Variants in RNF138 observed in about 807,000 individuals in gnomAD.
RNF138 encodes ring finger protein 138.
A neutral mutation model predicts 31.0 loss-of-function variants in RNF138; 12 were observed. The ratio of observed to expected loss-of-function variants is 0.39; its 90% CI spans 0.25 to 0.63. The LOEUF (loss-of-function observed/expected upper bound fraction) is 0.63. RNF138 is among the 20% of genes least tolerant of loss of function. RNF138 has a pLI of 0.52. For missense variants in RNF138, 192 were observed against 300.1 expected, an observed-to-expected ratio of 0.64 and a Z score of 2.66; for synonymous variants, 105 against 99.5, an observed-to-expected ratio of 1.06 and a Z score of -0.33.
rs145282959 is a variant in RNF138 at position 32,105,576 on chromosome 18, G to A, written c.111-6178G>A. On this transcript the variant is annotated intron_variant, in intron 2 of 7. Transcript: ENST00000261593. Reference sequence around the variant, plus strand: ...TAGCTTTATATGTAGAATCTCTGCTGTGTGCTATACATGATAATATTTCCA... The same window carrying A: ...TAGCTTTATATGTAGAATCTCTGCTATGTGCTATACATGATAATATTTCCA... 3.7e-4 allele frequency among the ~76,000 whole-genome samples: 56 copies of A among 152,328 alleles called. No individual in the cohort carries two copies. The East Asian group carries it at 8.9e-3, about 24-fold the overall frequency.
At chr18:32,121,573 T>TA (rs1201631244) in intron 4 of RNF138, among the ~76,000 whole-genome samples, 1 of 152,234 alleles carries the variant, frequency 6.6e-6, no homozygotes, top group Non-Finnish European at 1.5e-5. Context: ...TCCCCAATGA[T>TA]ATTATAGTTC....
At chr18:32,097,934 G>T (rs900535833) in intron 2 of RNF138, among the ~76,000 whole-genome samples, 8 of 126,548 alleles carry the variant, frequency 6.3e-5, no homozygotes, top group South Asian at 2.9e-4. Context: ...GTGTATATGT[G>T]TATGTATATA....
chr18:32,102,225 G>C (rs538700336), intron 2 of RNF138, among the ~76,000 whole-genome samples: 1 of 120,048 alleles, frequency 8.3e-6, no homozygotes, highest in African/African-American at 3.5e-5. Context: ...TTTTTGAGAC[G>C]GAGTCTTGTT....
chr18:32,115,703 T>A (rs1196321874), intron 4 of RNF138, among the ~76,000 whole-genome samples: 1 of 152,026 alleles, frequency 6.6e-6, no homozygotes, highest in Non-Finnish European at 1.5e-5. Flanking sequence ...CGAGAGCACA[T>A]CACTGCACTC....
At chr18:32,116,616 A>C (rs1157629574) in intron 4 of RNF138, among the ~76,000 whole-genome samples, 1 of 151,814 alleles carries the variant, frequency 6.6e-6, no homozygotes, top group African/African-American at 2.4e-5. Context: ...CAATGGCGTG[A>C]ACATGGCTCA....
chr18:32,095,213 A>G, intron 2 of RNF138, among the ~76,000 whole-genome samples: 1 of 152,140 alleles, frequency 6.6e-6, no homozygotes, highest in Non-Finnish European at 1.5e-5. Flanking sequence ...TCTGTTGTCC[A>G]GGGTGGAGTG....
At chr18:32,093,668 G>A (rs745311557) in intron 2 of RNF138, among the ~76,000 whole-genome samples, 11 of 152,216 alleles carry the variant, frequency 7.2e-5, no homozygotes, top group Non-Finnish European at 1.5e-4. Flanking sequence ...AAATTGAGAT[G>A]CTACCCAGGG....
rs192795286 is a variant in RNF138, at chr18:32,118,248, T to C, written c.392+4388T>C. On this transcript the variant is annotated intron_variant, in intron 4 of 7. Coordinates refer to ENST00000261593, the MANE Select transcript of RNF138 (RefSeq NM_016271.5). ...TCATATATTCTGGATAGTAATCCTT[T>C]GTTATGGCTGGGCGCAGTGGCTCAC... Among the ~76,000 whole-genome samples, 18 of 152,162 alleles carry C rather than the reference T, an allele frequency of 1.2e-4. No homozygotes were observed. In the East Asian group the frequency reaches 3.1e-3, roughly 26 times the overall value.
At chr18:32,093,150 C>T (rs2039737596) in intron 2 of RNF138, among the ~76,000 whole-genome samples, 1 of 152,008 alleles carries the variant, frequency 6.6e-6, no homozygotes, top group Non-Finnish European at 1.5e-5. Flanking sequence ...CCCGCTCTCC[C>T]TGGCTTTCGC....
intron 2 of RNF138, among the ~76,000 whole-genome samples, chr18:32,095,587 A>T (rs2039790503): frequency 6.6e-6 from 1 of 152,164 alleles, no homozygotes; most frequent in South Asian, 2.1e-4. Context: ...TGATTCACGA[A>T]TAGAGAGTTG....
chr18:32,104,859 G>A (rs2040003401), intron 2 of RNF138, among the ~76,000 whole-genome samples: 1 of 152,078 alleles, frequency 6.6e-6, no homozygotes, highest in Non-Finnish European at 1.5e-5. Context: ...GTCCCAACAT[G>A]ATTTTTTGGT....
intron 3 of RNF138, among the ~76,000 whole-genome samples, chr18:32,112,515 G>A (rs927842775): frequency 3.3e-5 from 5 of 152,164 alleles, no homozygotes; most frequent in East Asian, 1.9e-4. Flanking sequence ...GTGAAACCCC[G>A]TCTCTACTAA....
chr18:32,093,189 C>T (rs1412755410), intron 2 of RNF138, among the ~76,000 whole-genome samples: 2 of 152,124 alleles, frequency 1.3e-5, no homozygotes, highest in African/African-American at 4.8e-5. Context: ...AGGCCGTTCC[C>T]TGCGGCGTCT....
rs566034965 is a variant in RNF138 at position 32,106,808 on chromosome 18, C to T, written c.111-4946C>T. Among the ~76,000 whole-genome samples, 80 of 152,108 alleles carry T rather than the reference C, an allele frequency of 5.3e-4. No individual in the cohort carries two copies. In the South Asian group the frequency reaches 0.013, roughly 24 times the overall value. On this transcript the variant is annotated intron_variant, in intron 2 of 7. Transcript: ENST00000261593. ...ATCTTGATTTCCTGACCTCGTGATC[C>T]GCCTGCCTCGGCCTCCCAAAGTGCT...
Position 32,130,587 on chromosome 18 carries a change from G to T in RNF138, c.*1400G>T, listed in dbSNP as rs1420049012. Reference sequence around the variant, plus strand: ...AGAACATAAAAGAAAGAGAATCTCAGAAGTAGTTTGCTGCTAATATATACA... The same window carrying T: ...AGAACATAAAAGAAAGAGAATCTCATAAGTAGTTTGCTGCTAATATATACA... On this transcript the variant is annotated 3_prime_UTR_variant, in exon 8 of 8. Transcript: ENST00000261593. 7 of 152,448 alleles carry T rather than the reference G, an allele frequency of 4.6e-5. No homozygotes were observed. The highest frequency in any genetic ancestry group is 3.9e-4 in the Admixed American group (6 of 15,262). 9.4% of individuals were successfully genotyped at this position (152,448 alleles called of 1,614,324 possible).
intron 1 of RNF138, chr18:32,092,487 C>G (rs2039709989): frequency 2.5e-6 from 1 of 398,744 alleles, no homozygotes; most frequent in East Asian, 5.9e-5. Flanking sequence ...GCGAGCGGGG[C>G]GGGCCCACGG....
intron 2 of RNF138, among the ~76,000 whole-genome samples, chr18:32,093,867 T>A (rs952543798): frequency 6.6e-6 from 1 of 152,242 alleles, no homozygotes; most frequent in Admixed American, 6.5e-5. Flanking sequence ...GGGAACTTTT[T>A]AAGTAAACAT....
chr18:32,124,833 G>C lies in RNF138; in HGVS notation c.549G>C (p.Gln183His), dbSNP rs1477384304. Reference sequence around the variant, plus strand: ...ACTGTAACAGTAATCACCTATTTCAGATAGTTCCTGTGGTAAGTACATACG... The same window carrying C: ...ACTGTAACAGTAATCACCTATTTCACATAGTTCCTGTGGTAAGTACATACG... ...LDHCNSNHLF[Q>H]IVPVTCPICV... Residue 183 changes from glutamine (Q) to histidine (H), a missense_variant, in exon 6 of 8, where the codon CAG becomes CAC. Transcript: ENST00000261593. 2.0e-6 allele frequency: 3 copies of C among 1,530,192 alleles called. No individual in the cohort carries two copies. The highest frequency in any genetic ancestry group is 1.1e-5 in the South Asian group (1 of 89,392). 94.8% of individuals were successfully genotyped at this position (1,530,192 alleles called of 1,614,324 possible). A position where few individuals can be genotyped will look rare whatever the true frequency, so the allele number is the denominator to read the frequency against.
chr18:32,120,713 G>T (rs1330459000), intron 4 of RNF138, among the ~76,000 whole-genome samples: 1 of 152,132 alleles, frequency 6.6e-6, no homozygotes, highest in Non-Finnish European at 1.5e-5. Context: ...AGTTATAATG[G>T]TAGATAGAAG....
Sources: allele counts gnomAD v4.1 joint callset (sites outside exome capture counted in the v4.1 genomes callset), GRCh38; gene constraint gnomAD v4.1.1; transcripts MANE v1.5; gene names NCBI Gene and HGNC (gene_info 2026-07-23, HGNC 2026-07-21).